BRCA2: variants seen among roughly 807,000 people sequenced by gnomAD.
BRCA2 encodes breast cancer type 2 susceptibility protein.
Under a neutral mutation model 276.7 loss-of-function variants are expected in BRCA2, and 203 were observed. That is an observed-to-expected ratio of 0.73 (90% CI 0.65 to 0.82). The LOEUF (loss-of-function observed/expected upper bound fraction) is 0.82. BRCA2 is among the 40% of genes least tolerant of loss of function. The pLI, the probability that BRCA2 is intolerant of heterozygous loss-of-function variation, is 0.00. For synonymous variants in BRCA2, 1,289 were observed against 1,338.4 expected (o/e 0.96, Z 0.81); for missense variants, 3,920 against 3,915.0 (o/e 1.00, Z -0.03).
At chr13:32,319,686 ATATAC>A (rs1426277418) in intron 3 of BRCA2, among the ~76,000 whole-genome samples, 12 of 152,210 alleles carry the variant, frequency 7.9e-5, no homozygotes, top group Non-Finnish European at 1.3e-4. Context: ...TATTTTACCG[ATATAC>A]TATAAGTATC....
rs397507753 is a variant in BRCA2 at position 32,339,338 on chromosome 13, TTCAG to T, written c.4987_4990del (p.Val1663LeufsTer6). Reference sequence around the variant, plus strand: ...CTTGTTACACAAATCAGTCCCCTTATTCAGTCATTGAAAATTCAGCCTTAGCTTT... The same window carrying T: ...CTTGTTACACAAATCAGTCCCCTTATTCATTGAAAATTCAGCCTTAGCTTT... On this transcript the variant is annotated frameshift_variant, in exon 11 of 27. Coordinates refer to ENST00000380152, the MANE Select transcript of BRCA2 (RefSeq NM_000059.4). LOFTEE classifies it high-confidence loss of function. The T allele has an allele frequency of 6.3e-7, 1 of 1,592,760 alleles. No homozygotes were observed. Among genetic ancestry groups the T allele is most frequent in the Non-Finnish European group, 8.5e-7 (1 of 1,171,228 alleles).
intron 11 of BRCA2, among the ~76,000 whole-genome samples, chr13:32,341,587 C>G (rs1433041299): frequency 6.6e-6 from 1 of 152,182 alleles, no homozygotes; most frequent in Non-Finnish European, 1.5e-5. Flanking sequence ...ATAGCAAGTT[C>G]AGACTCTGAC....
intron 11 of BRCA2, among the ~76,000 whole-genome samples, chr13:32,342,609 C>T (rs992591709): frequency 6.6e-6 from 1 of 152,232 alleles, no homozygotes; most frequent in South Asian, 2.1e-4. Context: ...TACTATATAC[C>T]TAGGCTGTAT....
intron 25 of BRCA2, among the ~76,000 whole-genome samples, chr13:32,395,683 A>G (rs2073030960): frequency 6.6e-6 from 1 of 152,198 alleles, no homozygotes; most frequent in South Asian, 2.1e-4. Context: ...ATGAGTTGGT[A>G]ACTAGTGAAG....
At chr13:32,341,220 G>A (rs759080886) in intron 11 of BRCA2, 24 bp downstream of exon 11, 35 of 1,613,420 alleles carry the variant, frequency 2.2e-5, no homozygotes, top group Admixed American at 2.0e-4. Context: ...TTTACCTTTC[G>A]TGTTGCCAAT....
rs276174886 is a variant in BRCA2 at position 32,344,645 on chromosome 13, C to A, written c.6929C>A (p.Thr2310Asn). The A allele has an allele frequency of 1.2e-5, 19 of 1,563,728 alleles. No individual in the cohort carries two copies. In the South Asian group the frequency reaches 1.7e-4, roughly 14 times the overall value. The stretch of plus-strand genomic sequence containing the variant: ...AAATCCTTAAAGGCTTCAAAAAGCA[C>A]TCCAGATGGTAAAATTAGCTTTTTA... ...QEKSLKASKS[T>N]PDGTIKDRRL... Residue 2310 changes from threonine to asparagine, a missense_variant, in exon 12 of 27, where the codon ACT becomes AAT. This residue lies in a region of BRCA2 where 3,263 missense variants were observed against 3,156.9 expected (regional missense o/e 1.03). Transcript: ENST00000380152.
chr13:32,340,292 C>T lies in BRCA2; in HGVS notation c.5937C>T (p.Ser1979=), dbSNP rs28897737. The T allele has an allele frequency of 1.9e-6, 3 of 1,613,800 alleles. No homozygotes were observed. The highest frequency in any genetic ancestry group is 1.3e-5 in the African/African-American group (1 of 74,902). Residue 1979 remains serine (S), a synonymous_variant, in exon 11 of 27, where the codon AGC becomes AGT. Coordinates refer to ENST00000380152, the MANE Select transcript of BRCA2 (RefSeq NM_000059.4). Reference sequence around the variant, plus strand: ...CTGCAAATACTTGTGGGATTTTTAGCACAGCAAGTGGAAAATCTGTCCAGG... The same window carrying T: ...CTGCAAATACTTGTGGGATTTTTAGTACAGCAAGTGGAAAATCTGTCCAGG... ...VSSANTCGIF[S]TASGKSVQVS...
rs80359686 is a variant in BRCA2, at chr13:32,362,626, GCCTTT to G, written c.7913_7917del (p.Phe2638Ter). On this transcript the variant is annotated frameshift_variant, in exon 17 of 27. Coordinates refer to ENST00000380152, the MANE Select transcript of BRCA2 (RefSeq NM_000059.4). LOFTEE classifies it high-confidence loss of function. ...ATGGAAACTGGCAGCTATGGAATGT[GCCTTT>G]CCTAAGGAATTTGCTAATAGATGCC... The G allele has an allele frequency of 1.2e-6, 2 of 1,614,196 alleles. No homozygotes were observed. Among genetic ancestry groups the G allele is most frequent in the Non-Finnish European group, 1.7e-6 (2 of 1,180,022 alleles).
In BRCA2 at chr13:32,399,380, T is replaced by TTCTG. The variant is rs2073065051; in HGVS notation, c.*611_*614dup. ...GTTCTCCTTAATGCAAATATGTTGG[T>TTCTG]TCTGCTATAGTTCCATCCTGTTCAA... On this transcript the variant is annotated 3_prime_UTR_variant, in exon 27 of 27. Coordinates refer to ENST00000380152, the MANE Select transcript of BRCA2 (RefSeq NM_000059.4). 1.1e-5 allele frequency: 2 copies of TTCTG among 189,718 alleles called. No individual in the cohort carries two copies. Among genetic ancestry groups the TTCTG allele is most frequent in the Non-Finnish European group, 2.2e-5 (2 of 90,410 alleles). The allele number at this position is 189,718 out of a possible 1,614,324, so 11.8% of individuals were successfully genotyped here.
At chr13:32,394,629 C>T (rs1162765068) in intron 24 of BRCA2, 60 bp from the exon 25 acceptor site, 1 of 1,557,560 alleles carries the variant, frequency 6.4e-7, no homozygotes, top group East Asian at 2.2e-5. Context: ...TCCTTTCTTG[C>T]ATCTTAAAAT....
Position 32,398,483 on chromosome 13 carries a change from C to G in BRCA2, c.9970C>G (p.Pro3324Ala), listed in dbSNP as rs2137665434. The change falls in exon 27 of 27, where the codon CCA becomes GCA. Residue 3324 changes from proline (P) to alanine (A), a missense_variant. By Grantham distance (27) the Pro-to-Ala change is conservative. Coordinates refer to ENST00000380152, the MANE Select transcript of BRCA2 (RefSeq NM_000059.4). ...KKELNSPQMT[P>A]FKKFNEISLL... ...AGAACTGAATTCTCCTCAGATGACT[C>G]CATTTAAAAAATTCAATGAAATTTC... 1 of 1,614,068 alleles carries G rather than the reference C, an allele frequency of 6.2e-7. No individual in the cohort carries two copies.
chr13:32,388,857 A>T (rs1023033227), intron 24 of BRCA2, among the ~76,000 whole-genome samples: 1 of 152,100 alleles, frequency 6.6e-6, no homozygotes, highest in African/African-American at 2.4e-5. Context: ...CACTCTTTCA[A>T]TCTCTGTCCA....
chr13:32,380,742 G>A (rs1268581867), intron 24 of BRCA2, among the ~76,000 whole-genome samples: 5 of 151,612 alleles, frequency 3.3e-5, no homozygotes, highest in South Asian at 2.1e-4. Context: ...GGGTTTCACC[G>A]TGTTAACCAG....
intron 14 of BRCA2, among the ~76,000 whole-genome samples, chr13:32,355,890 GAT>G (rs2072690482): frequency 6.6e-6 from 1 of 151,506 alleles, no homozygotes; most frequent in East Asian, 1.9e-4. Flanking sequence ...CTCAAAAAGA[GAT>G]AAAAATAGTA....
chr13:32,317,284 A>G, intron 2 of BRCA2, among the ~76,000 whole-genome samples: 1 of 151,340 alleles, frequency 6.6e-6, no homozygotes, highest in African/African-American at 2.4e-5. Context: ...TATTATCACA[A>G]CATTCTTAGG....
Position 32,339,522 on chromosome 13 carries a change from A to T in BRCA2, c.5167A>T (p.Thr1723Ser), listed in dbSNP as rs80358742. ...NYLYENNSNS[T>S]IAENDKNHLS... ...TTTGTATGAAAATAATTCAAACAGT[A>T]CTATAGCTGAAAATGACAAAAATCA... Residue 1723 changes from threonine (T) to serine (S), a missense_variant, in exon 11 of 27, where the codon ACT becomes TCT. Physicochemically the swap from Thr to Ser is moderately conservative, Grantham distance 58. Transcript: ENST00000380152. The T allele has an allele frequency of 1.2e-6, 2 of 1,602,876 alleles. No homozygotes were observed.
chr13:32,352,751 T>C (rs2072661527), intron 13 of BRCA2, among the ~76,000 whole-genome samples: 1 of 151,756 alleles, frequency 6.6e-6, no homozygotes, highest in Non-Finnish European at 1.5e-5. Flanking sequence ...AGGAACAAAA[T>C]AAGATTGGTG....
In BRCA2 at chr13:32,353,602, T is replaced by C. The variant is rs187377988; in HGVS notation, c.7008-1259T>C. On this transcript the variant is annotated intron_variant, in intron 13 of 26. Transcript: ENST00000380152. ...TGTCTAGGCCAATCGACATATTTGT[T>C]TGTCTGTTTCCTTCCACTGAAATAT... Among the ~76,000 whole-genome samples the C allele has an allele frequency of 1.9e-4, 29 of 152,324 alleles. No individual in the cohort carries two copies. The highest frequency in any genetic ancestry group is 6.7e-4 in the African/African-American group (28 of 41,556).
Position 32,398,377 on chromosome 13 carries a change from A to C in BRCA2, c.9864A>C (p.Thr3288=), listed in dbSNP as rs778401681. 6.2e-7 allele frequency: 1 copy of C among 1,614,148 alleles called. No homozygotes were observed. The highest frequency in any genetic ancestry group is 1.1e-5 in the South Asian group (1 of 91,074). Residue 3288 remains threonine (T), a synonymous_variant, in exon 27 of 27, where the codon ACA becomes ACC. Transcript: ENST00000380152. ...PLPPPVSPIC[T]FVSPAAQKAF... ...CTCCACCTGTTAGTCCCATTTGTACATTTGTTTCTCCGGCTGCACAGAAGG... is the reference window on the plus strand; with the variant it reads ...CTCCACCTGTTAGTCCCATTTGTACCTTTGTTTCTCCGGCTGCACAGAAGG...
Sources: allele counts gnomAD v4.1 joint callset (sites outside exome capture counted in the v4.1 genomes callset), GRCh38; gene constraint gnomAD v4.1.1; regional missense constraint gnomAD v4.1.1; transcripts MANE v1.5; gene names NCBI Gene and HGNC (gene_info 2026-07-23, HGNC 2026-07-21).